MAGI1: variants seen among roughly 807,000 people sequenced by gnomAD.
MAGI1 encodes the protein membrane-associated guanylate kinase, WW and PDZ domain-containing protein 1.
MAGI1 carries 58 observed loss-of-function variants against 139.9 expected under a neutral mutation model. That is an observed-to-expected ratio of 0.41 (90% CI 0.34 to 0.52). The LOEUF (loss-of-function observed/expected upper bound fraction) is 0.52, where lower values mean the gene tolerates loss of function less well. Ranked by LOEUF, MAGI1 falls within the 20% of genes least tolerant of loss-of-function variation. MAGI1 has a pLI of 0.12. For synonymous variants in MAGI1, 812 were observed against 737.9 expected, an observed-to-expected ratio of 1.10 and a Z score of -1.63; for missense variants, 1,874 against 1,901.6, an observed-to-expected ratio of 0.99 and a Z score of 0.27.
intron 3 of MAGI1, among the ~76,000 whole-genome samples, chr3:65,485,121 T>G (rs1035670517): frequency 5.3e-5 from 8 of 152,200 alleles, no homozygotes; most frequent in African/African-American, 1.9e-4. Context: ...CAGTTTTTAA[T>G]AGCATGACTC....
intron 1 of MAGI1, among the ~76,000 whole-genome samples, chr3:65,787,343 G>A (rs1041219808): frequency 1.3e-5 from 2 of 151,758 alleles, no homozygotes; most frequent in South Asian, 2.1e-4. Context: ...AAAAGAAACC[G>A]GATCACCAAA....
chr3:65,504,150 T>C (rs1246050997), intron 2 of MAGI1, among the ~76,000 whole-genome samples: 1 of 152,196 alleles, frequency 6.6e-6, no homozygotes, highest in Non-Finnish European at 1.5e-5. Flanking sequence ...CTAAATTAAT[T>C]ATGTGACTAC....
At chr3:65,981,386 A>G (rs1023166374) in intron 1 of MAGI1, among the ~76,000 whole-genome samples, 1 of 152,160 alleles carries the variant, frequency 6.6e-6, no homozygotes, top group African/African-American at 2.4e-5. Context: ...AAATATGACC[A>G]TTAAGCATAA....
At chr3:65,631,641 CT>C in intron 1 of MAGI1, among the ~76,000 whole-genome samples, 1 of 152,290 alleles carries the variant, frequency 6.6e-6, no homozygotes, top group African/African-American at 2.4e-5. Flanking sequence ...ATCATATTAG[CT>C]TTCCTTCTTC....
intron 1 of MAGI1, among the ~76,000 whole-genome samples, chr3:65,783,104 G>C (rs1212734441): frequency 6.6e-6 from 1 of 151,942 alleles, no homozygotes; most frequent in African/African-American, 2.4e-5. Context: ...GCAACCTACT[G>C]GGGGAAATAT....
At chr3:66,029,466 G>A (rs1185382313) in intron 1 of MAGI1, among the ~76,000 whole-genome samples, 1 of 152,192 alleles carries the variant, frequency 6.6e-6, no homozygotes. Context: ...TTAGCCATGA[G>A]AATGTAATTA....
At chr3:66,028,352 C>G (rs905257356) in intron 1 of MAGI1, among the ~76,000 whole-genome samples, 11 of 152,184 alleles carry the variant, frequency 7.2e-5, no homozygotes, top group African/African-American at 2.7e-4. Context: ...CATACATTAT[C>G]TCATTTAATC....
chr3:65,614,863 G>A (rs2083290779), intron 2 of MAGI1, among the ~76,000 whole-genome samples: 2 of 151,844 alleles, frequency 1.3e-5, no homozygotes, highest in East Asian at 3.9e-4. Context: ...ATCAAAAACA[G>A]AAATAAAAAA....
At chr3:65,956,352 T>G (rs1459234558) in intron 1 of MAGI1, among the ~76,000 whole-genome samples, 1 of 152,108 alleles carries the variant, frequency 6.6e-6, no homozygotes, top group Non-Finnish European at 1.5e-5. Context: ...AAGAGGTAAA[T>G]AACTATGTAG....
chr3:65,443,937 G>T (rs909886536), intron 7 of MAGI1, among the ~76,000 whole-genome samples: 1 of 152,146 alleles, frequency 6.6e-6, no homozygotes, highest in Non-Finnish European at 1.5e-5. Context: ...AGGGCAGAAG[G>T]CTTACATATA....
At chr3:65,495,924 C>T (rs1408622729) in intron 2 of MAGI1, among the ~76,000 whole-genome samples, 2 of 151,988 alleles carry the variant, frequency 1.3e-5, no homozygotes, top group African/African-American at 2.4e-5. Flanking sequence ...GGGCTGGAAA[C>T]GAAAGCAAGC....
intron 1 of MAGI1, among the ~76,000 whole-genome samples, chr3:65,798,479 C>G (rs914596728): frequency 7.2e-5 from 11 of 152,144 alleles, no homozygotes; most frequent in African/African-American, 2.2e-4. Context: ...CCAAAGGAAG[C>G]CGCCAACTGT....
chr3:65,389,290 C>T (rs1943704920), intron 14 of MAGI1, among the ~76,000 whole-genome samples: 1 of 152,014 alleles, frequency 6.6e-6, no homozygotes, highest in Admixed American at 6.6e-5. Flanking sequence ...GAAAATTTGC[C>T]GCCACCAGGG....
rs549779415 is a variant in MAGI1, at chr3:65,549,577, G to A, written c.431-55946C>T. 35 of 681,328 alleles carry A rather than the reference G, an allele frequency of 5.1e-5. No homozygotes were observed. The South Asian group carries it at 1.4e-3, about 27-fold the overall frequency. 42.2% of individuals were successfully genotyped at this position (681,328 alleles called of 1,614,324 possible). On this transcript the variant is annotated intron_variant, in intron 2 of 22. Coordinates refer to ENST00000402939, the MANE Select transcript of MAGI1 (RefSeq NM_001033057.2). ...CGGCCAGGGTGTCCCCAGCCCGCTCGGGCGGCAGCGGCGTCAATGCGCGCT... is the reference window on the plus strand; with the variant it reads ...CGGCCAGGGTGTCCCCAGCCCGCTCAGGCGGCAGCGGCGTCAATGCGCGCT...
chr3:65,805,697 T>C (rs535204312), intron 1 of MAGI1, among the ~76,000 whole-genome samples: 62 of 152,242 alleles, frequency 4.1e-4, no homozygotes, highest in African/African-American at 1.4e-3. Flanking sequence ...TAAATGCCCA[T>C]CAGCAATAGG....
chr3:65,686,074 G>A (rs76444637), intron 1 of MAGI1, among the ~76,000 whole-genome samples: 2,506 of 152,202 alleles, frequency 0.016, 61 homozygotes, highest in African/African-American at 0.056. Flanking sequence ...AAGACTGTAC[G>A]GCTCTGCTGT....
chr3:65,954,667 A>C (rs1321527080), intron 1 of MAGI1: 1 of 151,994 alleles, frequency 6.6e-6, no homozygotes, highest in Non-Finnish European at 1.5e-5. Context: ...GAGGACCTCG[A>C]CTCTGGACTA....
At chr3:65,884,387 T>C (rs1253115798) in intron 1 of MAGI1, among the ~76,000 whole-genome samples, 1 of 152,134 alleles carries the variant, frequency 6.6e-6, no homozygotes, top group East Asian at 1.9e-4. Flanking sequence ...AAGGGAGAAC[T>C]TGACCAAGCT....
chr3:65,620,829 T>C (rs11707223), intron 2 of MAGI1, among the ~76,000 whole-genome samples: 1 of 151,930 alleles, frequency 6.6e-6, no homozygotes, highest in Non-Finnish European at 1.5e-5. Flanking sequence ...CTCTGTTTTA[T>C]TAATGAGTAA....
Sources: gnomAD v4.1 joint callset for allele counts (sites outside exome capture counted in the v4.1 genomes callset) on GRCh38, gnomAD v4.1.1 for gene constraint, MANE v1.5 for transcripts, NCBI Gene and HGNC (gene_info 2026-07-23, HGNC 2026-07-21) for gene names.